The following ITGBL1 variants were observed in gnomAD, a reference collection of about 807,000 sequenced individuals.
ITGBL1 encodes integrin subunit beta like 1.
ITGBL1 carries 51 observed loss-of-function variants against 68.5 expected under a neutral mutation model. That is an observed-to-expected ratio of 0.74 (90% CI 0.59 to 0.94). ITGBL1 has a LOEUF of 0.94. ITGBL1 is among the 40% of genes least tolerant of loss of function. The probability of loss-of-function intolerance (pLI) is 0.00; values close to 1 mark genes in which losing one functional copy is unlikely to be tolerated. For missense variants in ITGBL1, 649 were observed against 647.4 expected (o/e 1.00, Z -0.03); for synonymous variants, 209 against 227.3 (o/e 0.92, Z 0.72).
chr13:101,687,763 T>C (rs1465608493), intron 7 of ITGBL1, among the ~76,000 whole-genome samples: 4 of 152,102 alleles, frequency 2.6e-5, no homozygotes, highest in African/African-American at 9.7e-5. Context: ...TAAGTTTTGG[T>C]TGGATGATAT....
At chr13:101,643,291 G>A (rs1240028684) in intron 7 of ITGBL1, among the ~76,000 whole-genome samples, 28 of 149,846 alleles carry the variant, frequency 1.9e-4, no homozygotes, top group Admixed American at 1.7e-3. Flanking sequence ...TCCCTTGTAA[G>A]TTGGATTCCT....
chr13:101,601,762 A>G (rs2030397046), intron 7 of ITGBL1, among the ~76,000 whole-genome samples: 1 of 152,074 alleles, frequency 6.6e-6, no homozygotes, highest in Non-Finnish European at 1.5e-5. Flanking sequence ...GAGTTTCTTA[A>G]TCCTGAGTTC....
intron 2 of ITGBL1, among the ~76,000 whole-genome samples, chr13:101,509,291 A>T (rs758392127): frequency 3.9e-5 from 6 of 152,114 alleles, no homozygotes; most frequent in Non-Finnish European, 8.8e-5. Flanking sequence ...TGCCCCCATA[A>T]TTCAATCACC....
intron 2 of ITGBL1, among the ~76,000 whole-genome samples, chr13:101,507,524 TACAC>T (rs2049045670): frequency 6.6e-6 from 1 of 152,182 alleles, no homozygotes; most frequent in African/African-American, 2.4e-5. Flanking sequence ...ATTTTAAAAA[TACAC>T]AATAATGTGA....
At position 101,481,463 on chromosome 13, in the gene ITGBL1, C is replaced by T. The variant is rs182262578; in HGVS notation, c.316+27363C>T. On this transcript the variant is annotated intron_variant, in intron 2 of 10. Transcript: ENST00000376180. ...TTATAGAACTGACAGGAATTGGAGA[C>T]TGGGTTAAGAGGTGGAGATGGGGCT... is the stretch of plus-strand genomic sequence containing the variant. Among the ~76,000 whole-genome samples, 270 of 152,146 alleles carry T rather than the reference C, an allele frequency of 1.8e-3. 2 individuals carry two copies. The highest frequency in any genetic ancestry group is 2.4e-3 in the Non-Finnish European group (166 of 67,982).
intron 7 of ITGBL1, among the ~76,000 whole-genome samples, chr13:101,663,481 T>C (rs549548435): frequency 5.3e-5 from 8 of 152,314 alleles, no homozygotes; most frequent in Admixed American, 2.0e-4. Flanking sequence ...CCAGCTGCCA[T>C]CACAGTGCTT....
At chr13:101,574,397 A>G (rs2050321841) in intron 3 of ITGBL1, among the ~76,000 whole-genome samples, 1 of 152,042 alleles carries the variant, frequency 6.6e-6, no homozygotes, top group Admixed American at 6.6e-5. Flanking sequence ...CTACTTCCTC[A>G]GGGACTCTGA....
chr13:101,483,732 A>C (rs1244899553), intron 2 of ITGBL1, among the ~76,000 whole-genome samples: 1 of 152,174 alleles, frequency 6.6e-6, no homozygotes, highest in Admixed American at 6.5e-5. Context: ...TAATATAAAA[A>C]TTGTCCTTAT....
intron 8 of ITGBL1, among the ~76,000 whole-genome samples, chr13:101,700,706 G>A (rs540935932): frequency 2.6e-4 from 39 of 152,194 alleles, no homozygotes; most frequent in Admixed American, 9.8e-4. Context: ...CAGTGTTTTT[G>A]ACTTACTATT....
At chr13:101,557,262 T>G (rs981232818) in intron 2 of ITGBL1, among the ~76,000 whole-genome samples, 4 of 152,242 alleles carry the variant, frequency 2.6e-5, no homozygotes, top group Non-Finnish European at 4.4e-5. Flanking sequence ...GAAGGCATGT[T>G]AAATATCATC....
At chr13:101,480,123 G>T (rs1283284769) in intron 2 of ITGBL1, among the ~76,000 whole-genome samples, 2 of 151,602 alleles carry the variant, frequency 1.3e-5, no homozygotes, top group Non-Finnish European at 2.9e-5. Context: ...ACACAGTGGA[G>T]TACTATTCAG....
intron 7 of ITGBL1, among the ~76,000 whole-genome samples, chr13:101,638,822 C>G (rs1351194107): frequency 6.6e-6 from 1 of 152,102 alleles, no homozygotes; most frequent in African/African-American, 2.4e-5. Context: ...CACTATTATT[C>G]AGAGTAATTA....
chr13:101,490,720 C>T (rs373785432), intron 2 of ITGBL1, among the ~76,000 whole-genome samples: 4 of 152,302 alleles, frequency 2.6e-5, no homozygotes, highest in South Asian at 4.2e-4. Flanking sequence ...ACAAAATATG[C>T]CAAACCTAAC....
intron 5 of ITGBL1, among the ~76,000 whole-genome samples, chr13:101,582,950 T>G (rs1420869857): frequency 3.9e-5 from 6 of 152,202 alleles, no homozygotes; most frequent in African/African-American, 1.4e-4. Context: ...TAAATTGTTT[T>G]AGTGTTATCT....
intron 7 of ITGBL1, among the ~76,000 whole-genome samples, chr13:101,685,134 T>A (rs776266620): frequency 7.2e-5 from 11 of 152,034 alleles, no homozygotes; most frequent in Non-Finnish European, 1.3e-4. Context: ...TTGAAAACAT[T>A]CAGTGAGTTT....
intron 8 of ITGBL1, among the ~76,000 whole-genome samples, chr13:101,698,941 A>G (rs1426354833): frequency 6.6e-6 from 1 of 152,138 alleles, no homozygotes; most frequent in African/African-American, 2.4e-5. Flanking sequence ...ACAAGAAGGG[A>G]TAATGAAGAG....
intron 8 of ITGBL1, among the ~76,000 whole-genome samples, chr13:101,696,835 T>G (rs2034014477): frequency 6.6e-6 from 1 of 152,080 alleles, no homozygotes; most frequent in Non-Finnish European, 1.5e-5. Flanking sequence ...GATTCACAAT[T>G]AAGGAGAATG....
intron 7 of ITGBL1, among the ~76,000 whole-genome samples, chr13:101,682,129 C>T (rs1396147098): frequency 6.6e-6 from 1 of 152,126 alleles, no homozygotes; most frequent in Non-Finnish European, 1.5e-5. Flanking sequence ...GATGACCTTT[C>T]CATTTCTTCT....
chr13:101,636,214 T>C (rs1237753375), intron 7 of ITGBL1, among the ~76,000 whole-genome samples: 2 of 152,086 alleles, frequency 1.3e-5, no homozygotes, highest in Non-Finnish European at 2.9e-5. Flanking sequence ...TGTTTAACTC[T>C]AGAAATTTGA....
Sources: allele counts gnomAD v4.1 joint callset (sites outside exome capture counted in the v4.1 genomes callset), GRCh38; gene constraint gnomAD v4.1.1; transcripts MANE v1.5; gene names NCBI Gene and HGNC (gene_info 2026-07-23, HGNC 2026-07-21).